CADPS2: variants seen among roughly 807,000 people sequenced by gnomAD.
CADPS2 encodes calcium dependent secretion activator 2, also known as calcium-dependent secretion activator 2.
CADPS2 carries 93 observed loss-of-function variants against 172.5 expected under a neutral mutation model. The observed-to-expected ratio is 0.54, with a 90% CI of 0.46 to 0.64. The LOEUF is 0.64. CADPS2 is among the 30% of genes least tolerant of loss of function. The pLI is 0.00. For missense variants in CADPS2, 1,420 were observed against 1,565.9 expected, an observed-to-expected ratio of 0.91 and a Z score of 1.57; for synonymous variants, 546 against 555.2, an observed-to-expected ratio of 0.98 and a Z score of 0.23.
At chr7:122,642,810 A>G (rs1383964292) in intron 3 of CADPS2, among the ~76,000 whole-genome samples, 2 of 152,142 alleles carry the variant, frequency 1.3e-5, no homozygotes, top group African/African-American at 4.8e-5. Context: ...ATGTCTTTGT[A>G]TATGTTAATC....
intron 5 of CADPS2, among the ~76,000 whole-genome samples, chr7:122,615,903 T>G (rs2074857050): frequency 6.6e-6 from 1 of 152,038 alleles, no homozygotes; most frequent in Non-Finnish European, 1.5e-5. Context: ...AGAAAAAATA[T>G]TTTTTCTATC....
intron 1 of CADPS2, among the ~76,000 whole-genome samples, chr7:122,834,423 T>C (rs1262637466): frequency 6.6e-6 from 1 of 152,028 alleles, no homozygotes; most frequent in East Asian, 1.9e-4. Flanking sequence ...CACTGAGGTG[T>C]GTCAAACAGT....
At chr7:122,480,831 A>T in intron 12 of CADPS2, 21 bp downstream of exon 12, 2 of 1,492,738 alleles carry the variant, frequency 1.3e-6, no homozygotes, top group Non-Finnish European at 1.8e-6. Context: ...ATCTAATTTT[A>T]AAAATCATGA....
intron 14 of CADPS2, among the ~76,000 whole-genome samples, chr7:122,469,949 G>C (rs1046927940): frequency 1.3e-5 from 2 of 152,136 alleles, no homozygotes; most frequent in Admixed American, 1.3e-4. Flanking sequence ...TCTAAGATGA[G>C]TTTTGTGATA....
intron 27 of CADPS2, among the ~76,000 whole-genome samples, chr7:122,355,095 CTA>C (rs1226379535): frequency 6.6e-6 from 1 of 152,026 alleles, no homozygotes; most frequent in East Asian, 1.9e-4. Flanking sequence ...ATACAAAAGA[CTA>C]TGTTTATTAT....
intron 11 of CADPS2, among the ~76,000 whole-genome samples, chr7:122,489,785 A>G (rs2058128913): frequency 6.6e-6 from 1 of 152,164 alleles, no homozygotes; most frequent in Non-Finnish European, 1.5e-5. Flanking sequence ...AAAAATCACA[A>G]TAAACTAAAT....
chr7:122,714,235 C>G (rs544478800), intron 2 of CADPS2, among the ~76,000 whole-genome samples: 18 of 151,940 alleles, frequency 1.2e-4, no homozygotes, highest in Non-Finnish European at 1.8e-4. Flanking sequence ...GAAAAGTAAA[C>G]GATATTCCAT....
chr7:122,848,062 A>G (rs962177256), intron 1 of CADPS2, among the ~76,000 whole-genome samples: 1 of 152,214 alleles, frequency 6.6e-6, no homozygotes, highest in African/African-American at 2.4e-5. Context: ...CTCTTTGCCT[A>G]TGGCTAAGTT....
chr7:122,759,566 A>G (rs1204216620), intron 1 of CADPS2, among the ~76,000 whole-genome samples: 2 of 152,166 alleles, frequency 1.3e-5, no homozygotes, highest in Non-Finnish European at 2.9e-5. Context: ...GGTTTCAGAA[A>G]AAAAGGCTTT....
chr7:122,347,117 T>G (rs1290909918), intron 27 of CADPS2, among the ~76,000 whole-genome samples: 2 of 152,196 alleles, frequency 1.3e-5, no homozygotes, highest in African/African-American at 4.8e-5. Context: ...ATTTATAACC[T>G]TTGTCAGCAG....
intron 5 of CADPS2, 28 bp from the exon 6 acceptor site, chr7:122,615,327 G>C: frequency 7.3e-7 from 1 of 1,375,778 alleles, no homozygotes; most frequent in South Asian, 1.3e-5. Flanking sequence ...TTAAAATAAT[G>C]CATCAAGTTG....
chr7:122,437,935 T>G (rs2050852935), intron 17 of CADPS2, among the ~76,000 whole-genome samples: 1 of 152,128 alleles, frequency 6.6e-6, no homozygotes, highest in South Asian at 2.1e-4. Context: ...AACAAGTTTC[T>G]TTTTTGAGTG....
chr7:122,595,311 C>T (rs2071585072), intron 6 of CADPS2, among the ~76,000 whole-genome samples: 1 of 151,920 alleles, frequency 6.6e-6, no homozygotes, highest in African/African-American at 2.4e-5. Flanking sequence ...AGTAAGAGTG[C>T]CCATCAATAA....
intron 9 of CADPS2, among the ~76,000 whole-genome samples, chr7:122,498,095 T>G (rs1474819554): frequency 6.6e-6 from 1 of 151,966 alleles, no homozygotes; most frequent in East Asian, 1.9e-4. Flanking sequence ...TTACAGGCAT[T>G]TGCCACCAGG....
intron 29 of CADPS2, among the ~76,000 whole-genome samples, chr7:122,324,670 C>T (rs903628240): frequency 2.0e-5 from 3 of 151,950 alleles, no homozygotes; most frequent in African/African-American, 4.8e-5. Context: ...ATAAATGGTA[C>T]TATAATGAAA....
intron 1 of CADPS2, among the ~76,000 whole-genome samples, chr7:122,865,958 T>G (rs989120549): frequency 6.6e-6 from 1 of 152,162 alleles, no homozygotes; most frequent in Non-Finnish European, 1.5e-5. Context: ...GAAGAATGAA[T>G]GAAGGAAAGT....
chr7:122,507,372 G>A (rs2059685764), intron 9 of CADPS2, among the ~76,000 whole-genome samples: 3 of 152,152 alleles, frequency 2.0e-5, no homozygotes, highest in Admixed American at 6.6e-5. Flanking sequence ...ATCCAAAGGT[G>A]TATTTACACA....
chr7:122,843,946 C>T (rs1294413872), intron 1 of CADPS2, among the ~76,000 whole-genome samples: 3 of 152,152 alleles, frequency 2.0e-5, no homozygotes, highest in Admixed American at 6.5e-5. Flanking sequence ...GCAAAGAATT[C>T]GAGATGAGTA....
Position 122,467,810 on chromosome 7 carries a change from T to C in CADPS2, c.2186+3565A>G, listed in dbSNP as rs961921166. Among the ~76,000 whole-genome samples, 14 of 152,300 alleles carry C rather than the reference T, an allele frequency of 9.2e-5. No individual in the cohort carries two copies. The South Asian group carries it at 2.1e-3, about 23-fold the overall frequency. ...ACCTAGAACTTTGCCCTATGAAGCA[T>C]TGTCTCTGAAAGCCTCTTTTCTCCT... is the stretch of plus-strand genomic sequence containing the variant. On this transcript the variant is annotated intron_variant, in intron 14 of 29. Coordinates refer to ENST00000449022, the MANE Select transcript of CADPS2 (RefSeq NM_017954.11).
Sources: allele counts gnomAD v4.1 joint callset (sites outside exome capture counted in the v4.1 genomes callset), GRCh38; gene constraint gnomAD v4.1.1; transcripts MANE v1.5; gene names NCBI Gene and HGNC (gene_info 2026-07-23, HGNC 2026-07-21).